Variants in COG5 observed in about 807,000 individuals in gnomAD.
COG5 encodes conserved oligomeric Golgi complex subunit 5.
In COG5, 86 loss-of-function variants were observed where a neutral mutation model predicts 110.4. That is an observed-to-expected ratio of 0.78 (90% confidence interval 0.65 to 0.93). The LOEUF (loss-of-function observed/expected upper bound fraction) is 0.93. COG5 is among the 40% of genes least tolerant of loss of function. COG5 has a pLI of 0.00. For synonymous variants in COG5, 360 were observed against 334.6 expected (o/e 1.08, Z -0.83); for missense variants, 1,077 against 987.0 (o/e 1.09, Z -1.22).
chr7:107,336,204 A>G (rs1810685312), intron 10 of COG5, among the ~76,000 whole-genome samples: 1 of 152,236 alleles, frequency 6.6e-6, no homozygotes, highest in South Asian at 2.1e-4. Context: ...ACCCAGTAGA[A>G]TATTATTCAG....
chr7:107,396,510 T>C (rs993361238), intron 7 of COG5, among the ~76,000 whole-genome samples: 4 of 117,098 alleles, frequency 3.4e-5, no homozygotes, highest in Non-Finnish European at 4.9e-5. Context: ...AAAAAGATTA[T>C]ATAGAAAGGC....
At chr7:107,297,688 C>A (rs1246773238) in intron 12 of COG5, among the ~76,000 whole-genome samples, 2 of 151,968 alleles carry the variant, frequency 1.3e-5, no homozygotes, top group African/African-American at 4.8e-5. Flanking sequence ...ACCTAGTGAT[C>A]CACTCTGCTT....
chr7:107,408,237 G>A (rs1563015861), intron 7 of COG5, among the ~76,000 whole-genome samples: 4 of 152,248 alleles, frequency 2.6e-5, no homozygotes, highest in East Asian at 3.9e-4. Flanking sequence ...TGCCTCAACA[G>A]CAGAGTTCAG....
rs74656894 is a variant in COG5 at position 107,411,134 on chromosome 7, A to G, written c.669+1368T>C. Among the ~76,000 whole-genome samples the G allele has an allele frequency of 5.4e-3, 821 of 152,350 alleles. 47 individuals are homozygous for G. In the East Asian group the frequency reaches 0.11, roughly 20 times the overall value. On this transcript the variant is annotated intron_variant, in intron 7 of 21. Coordinates refer to ENST00000297135, the MANE Select transcript of COG5 (RefSeq NM_006348.5). Reference sequence around the variant, plus strand: ...TATGAGGAAGAGGACAATATGTTATAGAAAATAAATTCCCTGCATAAAATC... The same window carrying G: ...TATGAGGAAGAGGACAATATGTTATGGAAAATAAATTCCCTGCATAAAATC...
chr7:107,342,383 A>C (rs1423019421), intron 10 of COG5, among the ~76,000 whole-genome samples: 1 of 151,438 alleles, frequency 6.6e-6, no homozygotes, highest in African/African-American at 2.4e-5. Flanking sequence ...AAAAAAAAAA[A>C]AAACACACCA....
At chr7:107,439,881 G>A (rs1794602191) in intron 6 of COG5, among the ~76,000 whole-genome samples, 1 of 152,136 alleles carries the variant, frequency 6.6e-6, no homozygotes, top group South Asian at 2.1e-4. Context: ...AGTTTGGTAA[G>A]GTGAACTTGC....
intron 6 of COG5, among the ~76,000 whole-genome samples, chr7:107,477,598 C>T (rs1438936554): frequency 6.6e-6 from 1 of 151,814 alleles, no homozygotes; most frequent in Non-Finnish European, 1.5e-5. Flanking sequence ...CCGTAATGAT[C>T]TTTCAGGTAT....
intron 6 of COG5, among the ~76,000 whole-genome samples, chr7:107,481,975 T>A (rs1044968571): frequency 6.6e-6 from 1 of 152,072 alleles, no homozygotes; most frequent in African/African-American, 2.4e-5. Context: ...ATTTTTAACC[T>A]CAGACCCTAT....
chr7:107,405,115 G>A (rs1791734215), intron 7 of COG5, among the ~76,000 whole-genome samples: 1 of 152,120 alleles, frequency 6.6e-6, no homozygotes, highest in Non-Finnish European at 1.5e-5. Flanking sequence ...GGGGGAAGCA[G>A]GAGCTCCAGA....
In COG5 at chr7:107,508,065, C is replaced by T. The variant is rs182652355; in HGVS notation, c.538+19172G>A. Among the ~76,000 whole-genome samples, 857 of 152,344 alleles carry T rather than the reference C, an allele frequency of 5.6e-3. 8 individuals are homozygous for T. The highest frequency in any genetic ancestry group is 0.02 in the African/African-American group (812 of 41,580). On this transcript the variant is annotated intron_variant, in intron 6 of 21. Transcript: ENST00000297135. ...TGGGTGCAACGCACCATGCACGAGC[C>T]GAAGCAGGGCGAGGCATTGCCTCAC...
In COG5 at chr7:107,201,577, A is replaced by G. The variant is rs1179511344; in HGVS notation, c.*1939T>C. The G allele has an allele frequency of 6.4e-6, 3 of 468,334 alleles. No individual in the cohort carries two copies. The highest frequency in any genetic ancestry group is 1.2e-5 in the Non-Finnish European group (3 of 254,556). The allele number at this position is 468,334 out of a possible 1,614,324, so 29.0% of individuals were successfully genotyped here. A position where few individuals can be genotyped will look rare whatever the true frequency, so the allele number is the denominator to read the frequency against. ...GCATTGAGTCTTGAAATGATTTAAT[A>G]ATATGAGTGAGGATTTGCTTTCTCC... On this transcript the variant is annotated 3_prime_UTR_variant, in exon 22 of 22. Transcript: ENST00000297135.
intron 14 of COG5, among the ~76,000 whole-genome samples, chr7:107,262,771 T>C (rs866947537): frequency 2.0e-5 from 3 of 152,042 alleles, no homozygotes; most frequent in Admixed American, 2.0e-4. Context: ...CCTGAAAAAA[T>C]AGAAGCAATC....
At chr7:107,275,445 C>T (rs1411798763) in intron 14 of COG5, among the ~76,000 whole-genome samples, 1 of 151,524 alleles carries the variant, frequency 6.6e-6, no homozygotes, top group African/African-American at 2.4e-5. Context: ...TTTCATATTG[C>T]CTTTGATCTT....
At chr7:107,207,000 G>A (rs1406620720) in intron 21 of COG5, among the ~76,000 whole-genome samples, 2 of 147,970 alleles carry the variant, frequency 1.4e-5, no homozygotes, top group Admixed American at 6.8e-5. Context: ...AAAAAAACAC[G>A]ATTAGTAGAG....
intron 5 of COG5, among the ~76,000 whole-genome samples, chr7:107,547,278 A>T (rs1382845713): frequency 2.0e-5 from 3 of 152,204 alleles, no homozygotes; most frequent in African/African-American, 7.2e-5. Context: ...AAATCATATG[A>T]TCATTTTGAT....
At chr7:107,315,900 G>A (rs1808687478) in intron 11 of COG5, among the ~76,000 whole-genome samples, 1 of 152,048 alleles carries the variant, frequency 6.6e-6, no homozygotes, top group South Asian at 2.1e-4. Context: ...AATATTAATG[G>A]GATTTTCTGT....
intron 15 of COG5, among the ~76,000 whole-genome samples, chr7:107,257,999 G>C (rs1803011781): frequency 6.6e-6 from 1 of 152,072 alleles, no homozygotes; most frequent in African/African-American, 2.4e-5. Flanking sequence ...AAATATGTAT[G>C]ATCTGTCCTC....
intron 1 of COG5, chr7:107,563,376 T>C (rs1804085488): frequency 3.5e-6 from 1 of 286,316 alleles, no homozygotes; most frequent in Admixed American, 5.0e-5. Context: ...CCAGCTCTAC[T>C]TTAAAACAAG....
intron 14 of COG5, among the ~76,000 whole-genome samples, chr7:107,279,265 G>C (rs910278406): frequency 1.2e-4 from 18 of 152,032 alleles, no homozygotes; most frequent in African/African-American, 4.1e-4. Context: ...TCAGAATGGC[G>C]ATCATTAAAA....
Sources: allele counts gnomAD v4.1 joint callset (sites outside exome capture counted in the v4.1 genomes callset), GRCh38; gene constraint gnomAD v4.1.1; transcripts MANE v1.5; gene names NCBI Gene and HGNC (gene_info 2026-07-23, HGNC 2026-07-21).